RALGAPB: variants seen among roughly 807,000 people sequenced by gnomAD.
RALGAPB encodes the protein Ral GTPase activating protein non-catalytic subunit beta, also known as ral GTPase-activating protein subunit beta.
In RALGAPB, 25 loss-of-function variants were observed where a neutral mutation model predicts 161.1. That is an observed-to-expected ratio of 0.16 (90% CI 0.11 to 0.22). RALGAPB has a LOEUF of 0.22. RALGAPB is among the 10% of genes least tolerant of loss of function. The pLI is 1.00. For synonymous variants in RALGAPB, 629 were observed against 626.1 expected (o/e 1.00, Z -0.07); for missense variants, 1,391 against 1,815.2 (o/e 0.77, Z 4.25).
chr20:38,558,465 GA>G lies in RALGAPB; in HGVS notation c.3531+14del. On this transcript the variant is annotated intron_variant, in intron 23 of 29. Coordinates refer to ENST00000262879, the MANE Select transcript of RALGAPB (RefSeq NM_020336.4). The stretch of plus-strand genomic sequence containing the variant: ...AAACGAACCAAGAGGTAAGAGTTAC[GA>G]ATTTTTTTTTTTTGGTATGTTTTTG... The G allele has an allele frequency of 6.5e-7, 1 of 1,537,620 alleles. No individual in the cohort carries two copies. Among genetic ancestry groups the G allele is most frequent in the Non-Finnish European group, 8.8e-7 (1 of 1,140,118 alleles).
intron 20 of RALGAPB, 82 bp from the exon 21 acceptor site, chr20:38,550,989 T>G: frequency 1.4e-6 from 2 of 1,465,986 alleles, no homozygotes; most frequent in Non-Finnish European, 1.9e-6. Context: ...AACACAGGCA[T>G]CTAAGAGACC....
rs2088410284 is a variant in RALGAPB at position 38,575,709 on chromosome 20, T to TA, written c.*743dup. On this transcript the variant is annotated 3_prime_UTR_variant, in exon 30 of 30. Transcript: ENST00000262879. ...AAATAAAGTTTGTGGGGTTAAAAGT[T>TA]ATAAGACAGCAGTGATACCCCACTC... 1 of 152,250 alleles carries TA rather than the reference T, an allele frequency of 6.6e-6. No homozygotes were observed. The highest frequency in any genetic ancestry group is 2.4e-5 in the African/African-American group (1 of 41,444). The allele number at this position is 152,250 out of a possible 1,614,324, so 9.4% of individuals were successfully genotyped here.
chr20:38,542,481 G>A (rs964689391), intron 18 of RALGAPB, among the ~76,000 whole-genome samples: 2 of 151,726 alleles, frequency 1.3e-5, no homozygotes, highest in African/African-American at 4.9e-5. Flanking sequence ...TTGGCTAATA[G>A]CTAGAAAATT....
intron 23 of RALGAPB, 34 bp from the exon 24 acceptor site, chr20:38,562,498 C>T: frequency 3.3e-6 from 5 of 1,502,328 alleles, no homozygotes; most frequent in East Asian, 2.4e-5. Context: ...ATTTTGTTTC[C>T]TTCATTATAG....
At chr20:38,559,025 C>CCAGTTTGAAAACAGAATTAATGA (rs2145477109) in intron 23 of RALGAPB, among the ~76,000 whole-genome samples, 1 of 152,262 alleles carries the variant, frequency 6.6e-6, no homozygotes, top group South Asian at 2.1e-4. Flanking sequence ...TTGCTATGAA[C>CCAGTTTGAAAACAGAATTAATGA]CAGTTTGAAA....
At chr20:38,518,023 GT>G (rs1400553743) in intron 9 of RALGAPB, 23 bp downstream of exon 9, 1 of 1,564,918 alleles carries the variant, frequency 6.4e-7, no homozygotes, top group Non-Finnish European at 8.8e-7. Context: ...CAAGAAATAT[GT>G]TATCATTATT....
At chr20:38,514,243 C>T (rs572041313) in intron 6 of RALGAPB, among the ~76,000 whole-genome samples, 2 of 152,298 alleles carry the variant, frequency 1.3e-5, no homozygotes, top group Non-Finnish European at 1.5e-5. Context: ...TTTTTTGATT[C>T]TCTTGTGCAT....
chr20:38,551,023 T>C (rs1401025397), intron 20 of RALGAPB, 48 bp from the exon 21 acceptor site: 1 of 1,576,768 alleles, frequency 6.3e-7, no homozygotes, highest in Admixed American at 1.7e-5. Flanking sequence ...TCATTACAGA[T>C]GGGTATTGGA....
intron 25 of RALGAPB, among the ~76,000 whole-genome samples, chr20:38,566,265 G>A (rs1040875118): frequency 2.0e-5 from 3 of 152,246 alleles, no homozygotes. Context: ...GGCCGGCTGT[G>A]TTCCTGGAAG....
At chr20:38,516,106 A>C in intron 6 of RALGAPB, 86 bp from the exon 7 acceptor site, 1 of 1,021,772 alleles carries the variant, frequency 9.8e-7, no homozygotes, top group East Asian at 2.6e-5. Context: ...AAATAGGCAC[A>C]GTCCTATTCT....
intron 22 of RALGAPB, among the ~76,000 whole-genome samples, chr20:38,557,337 G>C (rs927224224): frequency 2.6e-5 from 4 of 152,174 alleles, no homozygotes; most frequent in Admixed American, 2.0e-4. Flanking sequence ...CATTTGTTGT[G>C]ACTGATGAAC....
At chr20:38,570,679 T>A in intron 27 of RALGAPB, 90 bp from the exon 28 acceptor site, 2 of 787,800 alleles carry the variant, frequency 2.5e-6, no homozygotes, top group Non-Finnish European at 4.3e-6. Context: ...TGCCACTCAC[T>A]TATGTAAAGC....
In RALGAPB at chr20:38,515,017, T is replaced by G. The variant is rs184002431; in HGVS notation, c.873-1175T>G. Reference sequence around the variant, plus strand: ...CTGGTATGAATCTTTCTCTCTCCAGTTTTTGATTTACAGTAGACATGAATT... The same window carrying G: ...CTGGTATGAATCTTTCTCTCTCCAGGTTTTGATTTACAGTAGACATGAATT... On this transcript the variant is annotated intron_variant, in intron 6 of 29. Transcript: ENST00000262879. Among the ~76,000 whole-genome samples the G allele has an allele frequency of 7.2e-5, 11 of 152,228 alleles. 1 individual carries two copies. The highest frequency in any genetic ancestry group is 1.5e-5 in the Non-Finnish European group (1 of 68,040).
chr20:38,528,685 A>G (rs2086549451), intron 13 of RALGAPB, among the ~76,000 whole-genome samples: 1 of 151,180 alleles, frequency 6.6e-6, no homozygotes, highest in Non-Finnish European at 1.5e-5. Context: ...TATTTTAGGG[A>G]ATTTTTTTTT....
At chr20:38,564,736 T>TGGAA (rs1459996832) in intron 24 of RALGAPB, among the ~76,000 whole-genome samples, 1 of 152,110 alleles carries the variant, frequency 6.6e-6, no homozygotes, top group Non-Finnish European at 1.5e-5. Flanking sequence ...TTGAGGAAGG[T>TGGAA]GGAACATAGG....
intron 6 of RALGAPB, among the ~76,000 whole-genome samples, chr20:38,514,802 C>T (rs1432012690): frequency 6.6e-6 from 1 of 152,224 alleles, no homozygotes. Flanking sequence ...TAGGTCTAAT[C>T]TGGATTTTTT....
chr20:38,513,333 G>C (rs2086025646), intron 6 of RALGAPB, among the ~76,000 whole-genome samples: 1 of 152,066 alleles, frequency 6.6e-6, no homozygotes, highest in Admixed American at 6.6e-5. Flanking sequence ...GTGAAACCCT[G>C]TCTCTACTAA....
In RALGAPB at chr20:38,499,272, G is replaced by C. The variant is rs139081248; in HGVS notation, c.554-175G>C. 5.1e-3 allele frequency among the ~76,000 whole-genome samples: 778 copies of C among 152,066 alleles called. 6 individuals are homozygous for C. Among genetic ancestry groups the C allele is most frequent in the African/African-American group, 0.018 (742 of 41,478 alleles). ...ATTTTTTGATGTGTCTGTGATTTTG[G>C]GTACAGGAACTCCTAAGAATTGCTT... is the stretch of plus-strand genomic sequence containing the variant. On this transcript the variant is annotated intron_variant, in intron 4 of 29. Coordinates refer to ENST00000262879, the MANE Select transcript of RALGAPB (RefSeq NM_020336.4).
intron 1 of RALGAPB, among the ~76,000 whole-genome samples, chr20:38,479,397 G>A (rs1395465238): frequency 6.6e-6 from 1 of 152,224 alleles, no homozygotes; most frequent in Non-Finnish European, 1.5e-5. Context: ...AATAAATATT[G>A]TTTGAATCAA....
Sources: gnomAD v4.1 joint callset for allele counts (sites outside exome capture counted in the v4.1 genomes callset) on GRCh38, gnomAD v4.1.1 for gene constraint, MANE v1.5 for transcripts, NCBI Gene and HGNC (gene_info 2026-07-23, HGNC 2026-07-21) for gene names.